The following THRB variants were observed in gnomAD, a reference collection of about 807,000 sequenced individuals.
THRB encodes the protein nuclear receptor subfamily 1 group A member 2.
THRB carries 12 observed loss-of-function variants against 47.8 expected under a neutral mutation model. The ratio of observed to expected loss-of-function variants is 0.25; its 90% CI spans 0.16 to 0.41. THRB has a LOEUF of 0.41. THRB is among the 10% of genes least tolerant of loss of function. The pLI is 1.00. For missense variants in THRB, 348 were observed against 589.2 expected (o/e 0.59, Z 4.24); for synonymous variants, 218 against 212.2 (o/e 1.03, Z -0.24).
chr3:24,460,388 C>A (rs939444945), intron 1 of THRB, among the ~76,000 whole-genome samples: 3 of 152,178 alleles, frequency 2.0e-5, no homozygotes, highest in African/African-American at 7.2e-5. Flanking sequence ...CCTCAATTAT[C>A]TTTATCAGCA....
At chr3:24,215,373 A>G (rs1377275890) in intron 4 of THRB, among the ~76,000 whole-genome samples, 1 of 152,224 alleles carries the variant, frequency 6.6e-6, no homozygotes, top group Non-Finnish European at 1.5e-5. Context: ...AAGGTTACTT[A>G]GTGGAAAACT....
At chr3:24,174,596 G>T (rs139644236) in intron 5 of THRB, among the ~76,000 whole-genome samples, 1 of 152,286 alleles carries the variant, frequency 6.6e-6, no homozygotes, top group Non-Finnish European at 1.5e-5. Context: ...TAAAGACTTA[G>T]AAGTCTTTTG....
chr3:24,326,105 T>C (rs1402298738), intron 2 of THRB, among the ~76,000 whole-genome samples: 1 of 152,242 alleles, frequency 6.6e-6, no homozygotes, highest in Admixed American at 6.5e-5. Flanking sequence ...ATCTTGAATA[T>C]GTGATATCTG....
At chr3:24,285,989 T>C (rs982563105) in intron 3 of THRB, among the ~76,000 whole-genome samples, 3 of 152,262 alleles carry the variant, frequency 2.0e-5, no homozygotes, top group Non-Finnish European at 2.9e-5. Context: ...GGGACCTTCA[T>C]GATGGGATTA....
chr3:24,363,644 T>C (rs191119437), intron 1 of THRB, among the ~76,000 whole-genome samples: 1 of 152,294 alleles, frequency 6.6e-6, no homozygotes, highest in Non-Finnish European at 1.5e-5. Flanking sequence ...AGAAAAGATA[T>C]ATAAGCAGGA....
intron 3 of THRB, among the ~76,000 whole-genome samples, chr3:24,229,648 G>A (rs137930024): frequency 3.2e-3 from 482 of 152,326 alleles, no homozygotes; most frequent in Non-Finnish European, 5.6e-3. Flanking sequence ...GTATGCATCA[G>A]TGGCCAGAGG....
intron 10 of THRB, among the ~76,000 whole-genome samples, chr3:24,123,370 G>A (rs1390437519): frequency 1.3e-5 from 2 of 152,192 alleles, no homozygotes; most frequent in Non-Finnish European, 2.9e-5. Context: ...TAGCTTGAGT[G>A]TGAATTACCT....
chr3:24,223,032 A>G (rs2047311492), intron 4 of THRB, among the ~76,000 whole-genome samples: 2 of 152,174 alleles, frequency 1.3e-5, no homozygotes, highest in East Asian at 3.9e-4. Context: ...GCACTGTGGG[A>G]AGCGGAGCCG....
In THRB at chr3:24,280,332, C is replaced by T. The variant is rs184873694; in HGVS notation, c.-43+16894G>A. Among the ~76,000 whole-genome samples the T allele has an allele frequency of 4.6e-3, 693 of 152,294 alleles. 7 individuals are homozygous for T. The highest frequency in any genetic ancestry group is 7.7e-3 in the Non-Finnish European group (526 of 68,028). ...GCACACCCCAGCAGGGACAGACTGA[C>T]ACCTCACATGGCCAGGTACTCCAAC... On this transcript the variant is annotated intron_variant, in intron 3 of 10. Coordinates refer to ENST00000646209, the MANE Select transcript of THRB (RefSeq NM_001354712.2).
At chr3:24,330,577 G>T (rs2061862158) in intron 2 of THRB, among the ~76,000 whole-genome samples, 1 of 152,142 alleles carries the variant, frequency 6.6e-6, no homozygotes. Flanking sequence ...TTTACAGTTG[G>T]TGTGTGTTTT....
At chr3:24,260,847 C>T (rs929143031) in intron 3 of THRB, among the ~76,000 whole-genome samples, 4 of 152,186 alleles carry the variant, frequency 2.6e-5, no homozygotes, top group African/African-American at 9.7e-5. Context: ...CATCTACTCT[C>T]GGACCAGGAT....
At chr3:24,422,547 T>C (rs1350610051) in intron 1 of THRB, among the ~76,000 whole-genome samples, 1 of 151,934 alleles carries the variant, frequency 6.6e-6, no homozygotes, top group Non-Finnish European at 1.5e-5. Context: ...CTCTCCTCAA[T>C]TTCCTCCTCA....
chr3:24,249,128 G>A (rs142868478), intron 3 of THRB, among the ~76,000 whole-genome samples: 121 of 152,282 alleles, frequency 7.9e-4, no homozygotes, highest in African/African-American at 2.8e-3. Flanking sequence ...ATTATTTCCA[G>A]CAAAGAGCCA....
intron 1 of THRB, among the ~76,000 whole-genome samples, chr3:24,406,270 T>C (rs1339711117): frequency 6.6e-6 from 1 of 151,786 alleles, no homozygotes; most frequent in African/African-American, 2.4e-5. Context: ...ATTAAGTGGA[T>C]ATTTAATCTT....
At chr3:24,387,941 G>A (rs1002221763) in intron 1 of THRB, among the ~76,000 whole-genome samples, 1 of 152,082 alleles carries the variant, frequency 6.6e-6, no homozygotes, top group African/African-American at 2.4e-5. Context: ...ATGATTGTCA[G>A]GTCAGTTCAA....
intron 1 of THRB, among the ~76,000 whole-genome samples, chr3:24,368,873 C>T (rs1312594335): frequency 6.6e-6 from 1 of 152,134 alleles, no homozygotes; most frequent in Non-Finnish European, 1.5e-5. Context: ...GACCAGAGCT[C>T]AGAAATTTTC....
intron 3 of THRB, among the ~76,000 whole-genome samples, chr3:24,233,190 A>G (rs1475470996): frequency 1.3e-5 from 2 of 152,220 alleles, no homozygotes; most frequent in African/African-American, 4.8e-5. Flanking sequence ...AATCCTCTGA[A>G]ACTGAAAAGT....
At chr3:24,206,179 C>T in intron 4 of THRB, among the ~76,000 whole-genome samples, 1 of 152,182 alleles carries the variant, frequency 6.6e-6, no homozygotes, top group Non-Finnish European at 1.5e-5. Context: ...ACTGTCCACC[C>T]CAAATCAACA....
intron 3 of THRB, among the ~76,000 whole-genome samples, chr3:24,255,542 G>A (rs2051171315): frequency 6.6e-6 from 1 of 152,162 alleles, no homozygotes; most frequent in Non-Finnish European, 1.5e-5. Flanking sequence ...AGGCTTTCTA[G>A]ACAAAGTGAT....
Sources: allele counts gnomAD v4.1 joint callset (sites outside exome capture counted in the v4.1 genomes callset), GRCh38; gene constraint gnomAD v4.1.1; transcripts MANE v1.5; gene names NCBI Gene and HGNC (gene_info 2026-07-23, HGNC 2026-07-21).